The following IGSF11 variants were observed in gnomAD, a reference collection of about 807,000 sequenced individuals.
The protein encoded by IGSF11 is immunoglobulin superfamily member 11.
IGSF11 carries 22 observed loss-of-function variants against 41.0 expected under a neutral mutation model. That is an observed-to-expected ratio of 0.54 (90% confidence interval 0.38 to 0.77). IGSF11 has a LOEUF of 0.77. Among genes scored for constraint, IGSF11 ranks in the 30% least tolerant of loss-of-function variants. The pLI is 0.00. For missense variants in IGSF11, 444 were observed against 530.8 expected (o/e 0.84, Z 1.61); for synonymous variants, 219 against 201.3 (o/e 1.09, Z -0.74).
At chr3:118,991,576 A>G (rs1185473032) in intron 1 of IGSF11, among the ~76,000 whole-genome samples, 1 of 152,242 alleles carries the variant, frequency 6.6e-6, no homozygotes, top group Non-Finnish European at 1.5e-5. Flanking sequence ...AATTTCCCTA[A>G]AGAGTAATAA....
Position 119,019,412 on chromosome 3 carries a change from G to C in IGSF11, c.52+15119C>G, listed in dbSNP as rs56197139. Among the ~76,000 whole-genome samples the C allele has an allele frequency of 4.3e-3, 635 of 148,536 alleles. 4 individuals are homozygous for C. The highest frequency in any genetic ancestry group is 7.1e-3 in the Non-Finnish European group (480 of 67,322). ...ATACTAGATGGGTGGCAGGGGTCAG[G>C]AAGATGATTAGATTGGACTGAATTT... On this transcript the variant is annotated intron_variant, in intron 1 of 6. Coordinates refer to ENST00000393775, the MANE Select transcript of IGSF11 (RefSeq NM_001015887.3).
At chr3:119,088,196 A>C (rs1250277829) in intron 1 of IGSF11, among the ~76,000 whole-genome samples, 2 of 151,972 alleles carry the variant, frequency 1.3e-5, no homozygotes, top group Non-Finnish European at 1.5e-5. Context: ...AAAAAATTCA[A>C]AAAAATTAAA....
chr3:118,930,054 C>A (rs1942713898), intron 2 of IGSF11, 58 bp downstream of exon 2: 4 of 1,527,604 alleles, frequency 2.6e-6, no homozygotes, highest in Non-Finnish European at 3.6e-6. Flanking sequence ...TGCTTCCCTA[C>A]CAACCTCCTC....
intron 6 of IGSF11, among the ~76,000 whole-genome samples, chr3:118,904,257 G>T (rs1939297399): frequency 6.6e-6 from 1 of 152,222 alleles, no homozygotes; most frequent in African/African-American, 2.4e-5. Context: ...GTCTGACTGT[G>T]TACAGGCACT....
intron 5 of IGSF11, among the ~76,000 whole-genome samples, chr3:118,905,374 TGAG>T (rs1442915369): frequency 6.6e-6 from 1 of 152,216 alleles, no homozygotes; most frequent in African/African-American, 2.4e-5. Context: ...TTATTGATCC[TGAG>T]GAGAAAGATA....
chr3:118,912,560 T>C (rs541341251), intron 4 of IGSF11, among the ~76,000 whole-genome samples: 1 of 152,136 alleles, frequency 6.6e-6, no homozygotes, highest in East Asian at 1.9e-4. Context: ...CATCCCTTCA[T>C]CTTCCCAAAA....
chr3:119,131,325 G>T (rs572724430), intron 1 of IGSF11, among the ~76,000 whole-genome samples: 13 of 152,174 alleles, frequency 8.5e-5, no homozygotes, highest in Admixed American at 8.5e-4. Flanking sequence ...TAGATGAATG[G>T]GTACTAGAAT....
At chr3:119,038,218 TA>T (rs1465559348), upstream of IGSF11, among the ~76,000 whole-genome samples, 2 of 152,228 alleles carry the variant, frequency 1.3e-5, no homozygotes, top group Admixed American at 6.5e-5. Context: ...AGAAAGAAAG[TA>T]AACCAACAAG....
chr3:119,134,526 C>T (rs570995583), intron 1 of IGSF11, among the ~76,000 whole-genome samples: 4 of 152,202 alleles, frequency 2.6e-5, no homozygotes, highest in African/African-American at 9.6e-5. Flanking sequence ...AGGACCTCTT[C>T]AAGGAGAACT....
At position 119,059,438 on chromosome 3, in the gene IGSF11, A is replaced by G. The variant is rs1459505588; in HGVS notation, c.49+45706T>C. 2.0e-5 allele frequency among the ~76,000 whole-genome samples: 3 copies of G among 152,168 alleles called. No homozygotes were observed. The East Asian group carries it at 5.8e-4, about 29-fold the overall frequency. Reference sequence around the variant, plus strand: ...AGGGTGGAGGGTGGTGATTACAAAAAAGTACACATTGGGTTCAGTGTACAC... The same window carrying G: ...AGGGTGGAGGGTGGTGATTACAAAAGAGTACACATTGGGTTCAGTGTACAC... On this transcript the variant is annotated intron_variant, in intron 1 of 6. Transcript: ENST00000354673.
At position 119,034,672 on chromosome 3, in the gene IGSF11, A is replaced by G. The variant is rs1385289820; in HGVS notation, c.-90T>C. ...GCGTGAGTCTCCGCGCTCTTGGGGC[A>G]GCCTGGTCCTCCCACACCCAGCGCC... On this transcript the variant is annotated 5_prime_UTR_variant, in exon 1 of 7. Transcript: ENST00000393775. 1 of 1,442,712 alleles carries G rather than the reference A, an allele frequency of 6.9e-7. No individual in the cohort carries two copies. Among genetic ancestry groups the G allele is most frequent in the Non-Finnish European group, 9.2e-7 (1 of 1,089,014 alleles). 89.4% of individuals were successfully genotyped at this position (1,442,712 alleles called of 1,614,324 possible).
chr3:119,007,517 C>CT (rs1327402546), intron 1 of IGSF11, among the ~76,000 whole-genome samples: 1 of 152,188 alleles, frequency 6.6e-6, no homozygotes, highest in Non-Finnish European at 1.5e-5. Context: ...AACTGAACTC[C>CT]TATCACACCC....
At chr3:118,937,061 C>T (rs1002736998) in intron 1 of IGSF11, among the ~76,000 whole-genome samples, 4 of 152,196 alleles carry the variant, frequency 2.6e-5, no homozygotes, top group Middle Eastern at 3.2e-3. Context: ...AGCAAGTGCT[C>T]ATGTTTCAGG....
chr3:119,125,533 T>C (rs147241556), intron 1 of IGSF11, among the ~76,000 whole-genome samples: 53 of 151,966 alleles, frequency 3.5e-4, no homozygotes, highest in African/African-American at 1.2e-3. Flanking sequence ...GGACGGTGTA[T>C]TGTCACAAGG....
chr3:119,132,378 C>CAAAAAAAA (rs58700219), intron 1 of IGSF11, among the ~76,000 whole-genome samples: 1 of 39,792 alleles, frequency 2.5e-5, no homozygotes, highest in African/African-American at 1.1e-4. Flanking sequence ...AAACAGAAAG[C>CAAAAAAAA]AAAAAAAAAA....
At chr3:119,074,560 TAGAA>T (rs2076459783) in intron 1 of IGSF11, among the ~76,000 whole-genome samples, 1 of 150,804 alleles carries the variant, frequency 6.6e-6, no homozygotes. Flanking sequence ...ATCAAAAAGT[TAGAA>T]AGATCTGGGC....
intron 1 of IGSF11, among the ~76,000 whole-genome samples, chr3:119,066,827 T>C (rs1460606101): frequency 6.6e-6 from 1 of 152,214 alleles, no homozygotes; most frequent in Non-Finnish European, 1.5e-5. Flanking sequence ...GCTGTATCCA[T>C]AAAACCTATC....
chr3:119,105,206 C>T, exon 1 of IGSF11: 2 of 1,569,106 alleles, frequency 1.3e-6, no homozygotes, highest in Non-Finnish European at 8.7e-7. Flanking sequence ...TTCTTCTTGC[C>T]TGAGGAAGGT....
intron 1 of IGSF11, among the ~76,000 whole-genome samples, chr3:119,017,039 CAAA>C (rs60190891): frequency 4.5e-5 from 4 of 88,328 alleles, no homozygotes; most frequent in Non-Finnish European, 5.0e-5. Flanking sequence ...GGACGCAGGA[CAAA>C]AAAAAAAAAA....
Sources: allele counts gnomAD v4.1 joint callset (sites outside exome capture counted in the v4.1 genomes callset), GRCh38; gene constraint gnomAD v4.1.1; transcripts MANE v1.5; gene names NCBI Gene and HGNC (gene_info 2026-07-23, HGNC 2026-07-21).